The following SSBP2 variants were observed in gnomAD, a reference collection of about 807,000 sequenced individuals.
SSBP2 encodes single-stranded DNA-binding protein 2.
SSBP2 carries 17 observed loss-of-function variants against 61.8 expected under a neutral mutation model. The ratio of observed to expected loss-of-function variants is 0.28; its 90% CI spans 0.19 to 0.41. The LOEUF is 0.41. Among genes scored for constraint, SSBP2 ranks in the 10% least tolerant of loss-of-function variants. SSBP2 has a pLI of 1.00. For missense variants in SSBP2, 310 were observed against 458.7 expected, an observed-to-expected ratio of 0.68 and a Z score of 2.96; for synonymous variants, 139 against 141.3, an observed-to-expected ratio of 0.98 and a Z score of 0.12.
intron 1 of SSBP2, among the ~76,000 whole-genome samples, chr5:81,730,802 G>A (rs1756213135): frequency 6.6e-6 from 1 of 152,192 alleles, no homozygotes; most frequent in Non-Finnish European, 1.5e-5. Flanking sequence ...TTTAAGTGAT[G>A]AAATTGAAGC....
Position 81,658,954 on chromosome 5 carries a change from G to A in SSBP2, c.63-8615C>T, listed in dbSNP as rs181155033. Among the ~76,000 whole-genome samples, 60 of 152,238 alleles carry A rather than the reference G, an allele frequency of 3.9e-4. 1 individual carries two copies. Among genetic ancestry groups the A allele is most frequent in the Admixed American group, 2.6e-3 (39 of 15,284 alleles). The stretch of plus-strand genomic sequence containing the variant: ...CTCAACAGATGCAGAAAAGGACTTC[G>A]ATAAAATTCAACATCTCATGTTAAA... On this transcript the variant is annotated intron_variant, in intron 1 of 16. Coordinates refer to ENST00000320672, the MANE Select transcript of SSBP2 (RefSeq NM_012446.5).
chr5:81,608,455 A>C (rs1357874082), intron 4 of SSBP2, among the ~76,000 whole-genome samples: 1 of 152,100 alleles, frequency 6.6e-6, no homozygotes, highest in Non-Finnish European at 1.5e-5. Context: ...ATAATTTCCT[A>C]TTTTTTGAAT....
intron 1 of SSBP2, among the ~76,000 whole-genome samples, chr5:81,688,467 GTGACCCAGTGCTGGACCAGCTTCATGTC>G (rs898297300): frequency 4.6e-5 from 7 of 152,222 alleles, no homozygotes; most frequent in Non-Finnish European, 1.0e-4. Flanking sequence ...GGCCTTGGGT[GTGACCCAGTGCTGGACCAGCTTCATGTC>G]TGACCCAGTG....
intron 4 of SSBP2, among the ~76,000 whole-genome samples, chr5:81,514,212 A>G (rs1304398191): frequency 1.3e-5 from 2 of 152,106 alleles, no homozygotes; most frequent in African/African-American, 2.4e-5. Context: ...GGCAACACTC[A>G]TATTATTCAC....
chr5:81,628,775 G>A (rs943535644), intron 3 of SSBP2, among the ~76,000 whole-genome samples: 1 of 152,108 alleles, frequency 6.6e-6, no homozygotes, highest in Non-Finnish European at 1.5e-5. Context: ...GCTCCAGAAA[G>A]TCAATCACAC....
chr5:81,558,798 T>C (rs1561538650), intron 4 of SSBP2, among the ~76,000 whole-genome samples: 1 of 152,232 alleles, frequency 6.6e-6, no homozygotes, highest in Non-Finnish European at 1.5e-5. Flanking sequence ...AAATTAATTG[T>C]CAAAGCAAAA....
rs369135989 is a variant in SSBP2, at chr5:81,742,989, G to A, written c.62+7992C>T. On this transcript the variant is annotated intron_variant, in intron 1 of 16. Transcript: ENST00000320672. ...TAGAAGGTTTAGGAGAAATAATTAC[G>A]CCAATTGTACCAACCTCTGTTAACC... 1.6e-4 allele frequency among the ~76,000 whole-genome samples: 24 copies of A among 152,168 alleles called. No individual in the cohort carries two copies. The East Asian group carries it at 3.3e-3, about 21-fold the overall frequency.
At chr5:81,624,019 C>T (rs183271254) in intron 3 of SSBP2, among the ~76,000 whole-genome samples, 22 of 152,124 alleles carry the variant, frequency 1.4e-4, no homozygotes, top group Non-Finnish European at 2.9e-4. Context: ...TAGGTAGGTC[C>T]CATATCTTAG....
Position 81,420,258 on chromosome 5 carries a change from A to G in SSBP2, c.*246T>C. 3.6e-6 allele frequency: 2 copies of G among 556,400 alleles called. No homozygotes were observed. The highest frequency in any genetic ancestry group is 6.4e-6 in the Non-Finnish European group (2 of 311,530). The allele number at this position is 556,400 out of a possible 1,614,324, so 34.5% of individuals were successfully genotyped here. A position where few individuals can be genotyped will look rare whatever the true frequency, so the allele number is the denominator to read the frequency against. On this transcript the variant is annotated 3_prime_UTR_variant, in exon 17 of 17. Transcript: ENST00000320672. ...TACATTCTCTTTCCCACACATATAC[A>G]TACACACATAATTATTTGCAGTTCA...
At chr5:81,699,849 A>G (rs989836712) in intron 1 of SSBP2, among the ~76,000 whole-genome samples, 1 of 143,550 alleles carries the variant, frequency 7.0e-6, no homozygotes, top group African/African-American at 2.7e-5. Flanking sequence ...TTACAAAATC[A>G]ATTTCTTTTT....
chr5:81,658,109 T>C (rs1266786603), intron 1 of SSBP2, among the ~76,000 whole-genome samples: 2 of 152,114 alleles, frequency 1.3e-5, no homozygotes, highest in Admixed American at 1.3e-4. Context: ...TAAAACATTG[T>C]TATTAATAAC....
intron 4 of SSBP2, among the ~76,000 whole-genome samples, chr5:81,540,931 G>GAA (rs71000842): frequency 7.1e-6 from 1 of 139,956 alleles, no homozygotes; most frequent in Non-Finnish European, 1.5e-5. Context: ...CAGAAAGTTA[G>GAA]AAAAAAAAAA....
intron 6 of SSBP2, among the ~76,000 whole-genome samples, chr5:81,486,866 G>T (rs1001315201): frequency 1.3e-5 from 2 of 152,192 alleles, no homozygotes; most frequent in African/African-American, 4.8e-5. Context: ...ATCATGAGAT[G>T]ACCCAGCACT....
intron 10 of SSBP2, among the ~76,000 whole-genome samples, chr5:81,456,682 G>A (rs1294024964): frequency 1.1e-4 from 16 of 152,028 alleles, no homozygotes; most frequent in Admixed American, 1.0e-3. Context: ...ATGCTCAGGG[G>A]TAAGAAAATT....
chr5:81,494,039 C>G (rs909876784), intron 5 of SSBP2, among the ~76,000 whole-genome samples: 1 of 152,116 alleles, frequency 6.6e-6, no homozygotes, highest in Non-Finnish European at 1.5e-5. Context: ...GAAACAATTT[C>G]TATAAAAATT....
chr5:81,694,088 T>C (rs1427161392), intron 1 of SSBP2, among the ~76,000 whole-genome samples: 1 of 152,094 alleles, frequency 6.6e-6, no homozygotes, highest in Non-Finnish European at 1.5e-5. Context: ...AAAGACAAAC[T>C]TTGCATGTTC....
chr5:81,694,254 G>C (rs1207113646), intron 1 of SSBP2, among the ~76,000 whole-genome samples: 1 of 152,200 alleles, frequency 6.6e-6, no homozygotes, highest in African/African-American at 2.4e-5. Context: ...CCCAGCATTT[G>C]ATAGTACAAC....
intron 1 of SSBP2, among the ~76,000 whole-genome samples, chr5:81,655,086 G>T (rs1023071807): frequency 2.0e-5 from 3 of 152,056 alleles, no homozygotes; most frequent in African/African-American, 7.2e-5. Flanking sequence ...GGAGTTCAAG[G>T]CTGCAGTGAG....
intron 4 of SSBP2, among the ~76,000 whole-genome samples, chr5:81,590,360 A>G (rs1259079726): frequency 6.6e-6 from 1 of 152,242 alleles, no homozygotes; most frequent in Non-Finnish European, 1.5e-5. Flanking sequence ...GGCTGGAAAC[A>G]GCATCACCCT....
Sources: allele counts gnomAD v4.1 joint callset (sites outside exome capture counted in the v4.1 genomes callset), GRCh38; gene constraint gnomAD v4.1.1; transcripts MANE v1.5; gene names NCBI Gene and HGNC (gene_info 2026-07-23, HGNC 2026-07-21).